ADAMTSL1: variants seen among roughly 807,000 people sequenced by gnomAD.
The protein encoded by ADAMTSL1 is ADAMTS-like protein 1.
ADAMTSL1 carries 126 observed loss-of-function variants against 201.8 expected under a neutral mutation model. The observed-to-expected ratio is 0.62, with a 90% CI of 0.54 to 0.72. The LOEUF is 0.72. Ranked by LOEUF, ADAMTSL1 falls within the 30% of genes least tolerant of loss-of-function variation. The pLI is 0.00. For missense variants in ADAMTSL1, 2,679 were observed against 2,277.8 expected (o/e 1.18, Z -3.59); for synonymous variants, 1,121 against 903.4 (o/e 1.24, Z -4.32).
intron 2 of ADAMTSL1, among the ~76,000 whole-genome samples, chr9:18,309,398 T>A (rs1446919419): frequency 2.0e-5 from 3 of 152,136 alleles, no homozygotes; most frequent in Non-Finnish European, 4.4e-5. Flanking sequence ...AGTCAAATTG[T>A]CCCTGTTTGC....
intron 2 of ADAMTSL1, among the ~76,000 whole-genome samples, chr9:18,318,336 A>C (rs1431459097): frequency 6.6e-6 from 1 of 152,132 alleles, no homozygotes; most frequent in Non-Finnish European, 1.5e-5. Flanking sequence ...ATGGTTTTCA[A>C]ACTGTGGTCT....
At chr9:18,853,753 A>G (rs913465102) in intron 23 of ADAMTSL1, among the ~76,000 whole-genome samples, 1 of 152,286 alleles carries the variant, frequency 6.6e-6, no homozygotes, top group Non-Finnish European at 1.5e-5. Context: ...TCAGATCTCT[A>G]TCACTGTCTT....
chr9:18,736,277 C>T lies in ADAMTSL1; in HGVS notation c.2006+14612C>T, dbSNP rs116750778. Among the ~76,000 whole-genome samples the T allele has an allele frequency of 2.3e-3, 344 of 152,216 alleles. 3 individuals are homozygous for T. The highest frequency in any genetic ancestry group is 7.7e-3 in the African/African-American group (320 of 41,518). ...GAGCATAAACGGTAGGCCATTTGTT[C>T]GCAAGTGAGGGGAGACAAGTGAGTA... On this transcript the variant is annotated intron_variant, in intron 15 of 28. Coordinates refer to ENST00000380548, the MANE Select transcript of ADAMTSL1 (RefSeq NM_001040272.6).
chr9:18,376,578 G>A (rs1832639), intron 2 of ADAMTSL1, among the ~76,000 whole-genome samples: 64,593 of 152,008 alleles, frequency 0.42, 14,733 homozygotes, highest in South Asian at 0.67. Flanking sequence ...GCCGAGGTGG[G>A]TGGATCACCT....
chr9:17,935,838 A>G (rs1469414300), intron 1 of ADAMTSL1, among the ~76,000 whole-genome samples: 3 of 152,200 alleles, frequency 2.0e-5, no homozygotes, highest in Non-Finnish European at 2.9e-5. Flanking sequence ...GTCTCGTCTC[A>G]GTAGAGCATG....
chr9:18,032,682 G>C (rs1231600023), intron 1 of ADAMTSL1, among the ~76,000 whole-genome samples: 1 of 152,200 alleles, frequency 6.6e-6, no homozygotes, highest in Non-Finnish European at 1.5e-5. Flanking sequence ...TAAGCTTCTG[G>C]GCTCCGCACA....
chr9:18,281,430 C>T (rs1384459978), intron 2 of ADAMTSL1, among the ~76,000 whole-genome samples: 1 of 152,106 alleles, frequency 6.6e-6, no homozygotes, highest in Admixed American at 6.5e-5. Context: ...CCAGAGTCAG[C>T]CACTGATCCG....
chr9:18,087,013 A>G (rs1005564436), intron 1 of ADAMTSL1, among the ~76,000 whole-genome samples: 2 of 152,182 alleles, frequency 1.3e-5, no homozygotes, highest in Non-Finnish European at 2.9e-5. Context: ...GTTTTTGTAA[A>G]GTCATCTCCC....
chr9:17,990,985 A>G (rs1248347021), intron 1 of ADAMTSL1, among the ~76,000 whole-genome samples: 1 of 152,184 alleles, frequency 6.6e-6, no homozygotes, highest in Non-Finnish European at 1.5e-5. Flanking sequence ...ACAATAAAAT[A>G]AAGGAAACAT....
chr9:18,152,967 G>A (rs985073789), intron 1 of ADAMTSL1, among the ~76,000 whole-genome samples: 1 of 151,812 alleles, frequency 6.6e-6, no homozygotes. Context: ...TAAATTGTTG[G>A]TTTGGCCAAT....
intron 1 of ADAMTSL1, among the ~76,000 whole-genome samples, chr9:18,480,203 C>T (rs919792744): frequency 4.6e-5 from 7 of 152,140 alleles, no homozygotes; most frequent in Non-Finnish European, 7.4e-5. Flanking sequence ...TTCACTAAAA[C>T]CTGTTTCTTC....
At chr9:18,270,022 C>G (rs1422359660) in intron 2 of ADAMTSL1, among the ~76,000 whole-genome samples, 1 of 151,932 alleles carries the variant, frequency 6.6e-6, no homozygotes, top group Non-Finnish European at 1.5e-5. Context: ...CCATAATAGG[C>G]CAGAAGTGAC....
At chr9:18,151,169 A>G (rs546819540) in intron 1 of ADAMTSL1, among the ~76,000 whole-genome samples, 2 of 152,208 alleles carry the variant, frequency 1.3e-5, no homozygotes, top group Admixed American at 6.5e-5. Flanking sequence ...ACCTTAATGC[A>G]TGATCAAAGA....
At chr9:18,050,105 CT>C (rs1171537395) in intron 1 of ADAMTSL1, among the ~76,000 whole-genome samples, 2 of 152,212 alleles carry the variant, frequency 1.3e-5, no homozygotes, top group East Asian at 3.9e-4. Context: ...TTTGGATTTT[CT>C]TACAACCTAG....
rs116062484 is a variant in ADAMTSL1, at chr9:18,859,238, C to A, written c.4250-28593C>A. ...AAGATGTTTCCTTCTGGAGGCTCTACGGGGAAATATATTCGTCTTTTCCAG... is the reference window on the plus strand; with the variant it reads ...AAGATGTTTCCTTCTGGAGGCTCTAAGGGGAAATATATTCGTCTTTTCCAG... On this transcript the variant is annotated intron_variant, in intron 23 of 28. Coordinates refer to ENST00000380548, the MANE Select transcript of ADAMTSL1 (RefSeq NM_001040272.6). 1.0e-2 allele frequency among the ~76,000 whole-genome samples: 1,521 copies of A among 152,234 alleles called. 32 individuals are homozygous for A. The highest frequency in any genetic ancestry group is 0.034 in the African/African-American group (1,433 of 41,544).
chr9:18,555,955 A>G (rs1821085132), intron 3 of ADAMTSL1, among the ~76,000 whole-genome samples: 1 of 151,912 alleles, frequency 6.6e-6, no homozygotes, highest in Non-Finnish European at 1.5e-5. Flanking sequence ...AAGTGTTCCT[A>G]TGAACGTTGT....
At chr9:18,355,840 C>A (rs1199172910) in intron 2 of ADAMTSL1, among the ~76,000 whole-genome samples, 2 of 152,162 alleles carry the variant, frequency 1.3e-5, no homozygotes, top group Non-Finnish European at 2.9e-5. Flanking sequence ...GACCCTGTGT[C>A]TACAAAATAT....
intron 2 of ADAMTSL1, among the ~76,000 whole-genome samples, chr9:18,273,538 A>G (rs1832467297): frequency 6.6e-6 from 1 of 152,208 alleles, no homozygotes; most frequent in South Asian, 2.1e-4. Flanking sequence ...ATTTCTAGTA[A>G]TTTTGGTTCT....
intron 4 of ADAMTSL1, among the ~76,000 whole-genome samples, chr9:18,613,663 T>A (rs527332880): frequency 3.9e-5 from 6 of 152,090 alleles, no homozygotes; most frequent in African/African-American, 1.4e-4. Flanking sequence ...TTATCACTTA[T>A]AAGTGGGGGT....
Sources: gnomAD v4.1 joint callset for allele counts (sites outside exome capture counted in the v4.1 genomes callset) on GRCh38, gnomAD v4.1.1 for gene constraint, MANE v1.5 for transcripts, NCBI Gene and HGNC (gene_info 2026-07-23, HGNC 2026-07-21) for gene names.